PLPP3: variants seen among roughly 807,000 people sequenced by gnomAD.
PLPP3 encodes the protein PAP2 beta.
A neutral mutation model predicts 29.6 loss-of-function variants in PLPP3; 6 were observed. The observed-to-expected ratio is 0.20, with a 90% CI of 0.11 to 0.40. The LOEUF is 0.40. Ranked by LOEUF, PLPP3 falls within the 10% of genes least tolerant of loss-of-function variation. PLPP3 has a pLI of 1.00. For missense variants in PLPP3, 308 were observed against 407.7 expected, an observed-to-expected ratio of 0.76 and a Z score of 2.11; for synonymous variants, 152 against 159.7, an observed-to-expected ratio of 0.95 and a Z score of 0.36.
chr1:56,506,821 T>C (rs1209960089), intron 5 of PLPP3, among the ~76,000 whole-genome samples: 1 of 151,978 alleles, frequency 6.6e-6, no homozygotes, highest in East Asian at 1.9e-4. Context: ...TATTCGTCTG[T>C]CTGTTTATGT....
chr1:56,499,953 A>C (rs1269125906), intron 5 of PLPP3, among the ~76,000 whole-genome samples: 2 of 152,162 alleles, frequency 1.3e-5, no homozygotes, highest in Non-Finnish European at 2.9e-5. Context: ...GCCAGCCCAC[A>C]ATCCTACTCC....
chr1:56,578,853 C>CG, intron 1 of PLPP3, 25 bp downstream of exon 1: 1 of 1,522,806 alleles, frequency 6.6e-7, no homozygotes, highest in Non-Finnish European at 8.8e-7. Context: ...GCCGAGGGGC[C>CG]GAGGGACAGC....
chr1:56,502,949 G>A (rs1363493045), intron 5 of PLPP3, among the ~76,000 whole-genome samples: 1 of 152,186 alleles, frequency 6.6e-6, no homozygotes. Context: ...TAGCTTTCTG[G>A]TCTACCATAC....
chr1:56,538,046 T>A (rs1470971227), intron 1 of PLPP3, among the ~76,000 whole-genome samples: 1 of 152,134 alleles, frequency 6.6e-6, no homozygotes, highest in African/African-American at 2.4e-5. Context: ...TGGCCCCCAT[T>A]CCCTTCTACA....
At chr1:56,536,070 C>T (rs149482130) in intron 2 of PLPP3, among the ~76,000 whole-genome samples, 2 of 152,264 alleles carry the variant, frequency 1.3e-5, no homozygotes, top group East Asian at 1.9e-4. Context: ...CAGAGAGTGA[C>T]GAGCATGTGA....
chr1:56,533,299 C>T (rs1422321822), intron 2 of PLPP3, among the ~76,000 whole-genome samples: 1 of 152,162 alleles, frequency 6.6e-6, no homozygotes, highest in Non-Finnish European at 1.5e-5. Flanking sequence ...AAGTGATCCA[C>T]CTGCCTTGGC....
At chr1:56,510,512 T>G (rs1411310072) in intron 5 of PLPP3, among the ~76,000 whole-genome samples, 1 of 152,232 alleles carries the variant, frequency 6.6e-6, no homozygotes, top group Non-Finnish European at 1.5e-5. Context: ...CTTCTCCCTC[T>G]TCTTGACCCC....
intron 4 of PLPP3, among the ~76,000 whole-genome samples, chr1:56,515,585 G>A (rs1387642126): frequency 1.3e-5 from 2 of 152,208 alleles, no homozygotes; most frequent in Non-Finnish European, 2.9e-5. Flanking sequence ...GCTTATGAAT[G>A]AGAAAGGAGT....
intron 1 of PLPP3, among the ~76,000 whole-genome samples, chr1:56,577,852 C>A (rs1032959654): frequency 6.6e-6 from 1 of 152,020 alleles, no homozygotes. Flanking sequence ...AAGTGGCACA[C>A]CCAGCAAGTG....
intron 1 of PLPP3, among the ~76,000 whole-genome samples, chr1:56,554,050 CT>C (rs753749255): frequency 4.2e-4 from 62 of 148,918 alleles, no homozygotes; most frequent in Admixed American, 1.2e-3. Context: ...AAGCCTTTGG[CT>C]TTTCCCCCCC....
chr1:56,507,511 G>A (rs1417479465), intron 5 of PLPP3, among the ~76,000 whole-genome samples: 1 of 152,162 alleles, frequency 6.6e-6, no homozygotes, highest in Non-Finnish European at 1.5e-5. Flanking sequence ...TAGCTGAAGA[G>A]ACAGACATAT....
intron 4 of PLPP3, among the ~76,000 whole-genome samples, chr1:56,517,367 T>G (rs1645787997): frequency 6.6e-6 from 1 of 152,264 alleles, no homozygotes; most frequent in Non-Finnish European, 1.5e-5. Context: ...ACAAAAGAAT[T>G]TTCGATTGAC....
At chr1:56,557,012 G>GAAAGAAGGAA (rs60511169) in intron 1 of PLPP3, among the ~76,000 whole-genome samples, 1 of 9,116 alleles carries the variant, frequency 1.1e-4, no homozygotes, top group Non-Finnish European at 2.7e-4. Context: ...GAAAGAAAGA[G>GAAAGAAGGAA]AGAGAGAGAG....
intron 5 of PLPP3, among the ~76,000 whole-genome samples, chr1:56,510,833 G>A (rs1645736344): frequency 1.3e-5 from 2 of 152,058 alleles, no homozygotes; most frequent in South Asian, 4.2e-4. Context: ...ATTACACATG[G>A]TCCCTGCCCC....
chr1:56,572,265 G>A (rs1646205139), intron 1 of PLPP3, among the ~76,000 whole-genome samples: 1 of 151,986 alleles, frequency 6.6e-6, no homozygotes, highest in Non-Finnish European at 1.5e-5. Context: ...GACCAGGCTA[G>A]TCTCGAAATT....
chr1:56,510,219 A>G (rs1217856235), intron 5 of PLPP3, among the ~76,000 whole-genome samples: 2 of 152,172 alleles, frequency 1.3e-5, no homozygotes, highest in Non-Finnish European at 2.9e-5. Context: ...ACAGTCAGCA[A>G]AGGGTTACCC....
chr1:56,514,248 G>A (rs972457178), intron 4 of PLPP3, among the ~76,000 whole-genome samples: 1 of 151,884 alleles, frequency 6.6e-6, no homozygotes, highest in Non-Finnish European at 1.5e-5. Context: ...ATTACTATTT[G>A]GAAGGGATAC....
Position 56,579,067 on chromosome 1 carries a change from G to T in PLPP3, c.-51C>A. ...CGCCCCGCGAAGACGTCCCGCAACAGCAGCCACACACCCAGGCGCCCGGGT... is the reference window on the plus strand; with the variant it reads ...CGCCCCGCGAAGACGTCCCGCAACATCAGCCACACACCCAGGCGCCCGGGT... On this transcript the variant is annotated 5_prime_UTR_variant, in exon 1 of 6. In the 5' UTR this introduces an upstream ATG that the reference lacks. Transcript: ENST00000371250. 6.4e-7 allele frequency: 1 copy of T among 1,568,164 alleles called. No individual in the cohort carries two copies. Among genetic ancestry groups the T allele is most frequent in the Non-Finnish European group, 8.6e-7 (1 of 1,163,676 alleles).
intron 5 of PLPP3, among the ~76,000 whole-genome samples, chr1:56,499,708 CT>C (rs1003779017): frequency 3.3e-5 from 5 of 151,984 alleles, no homozygotes; most frequent in African/African-American, 4.8e-5. Flanking sequence ...TACACAAACA[CT>C]TTTTTTTGGG....
Sources: gnomAD v4.1 joint callset for allele counts (sites outside exome capture counted in the v4.1 genomes callset) on GRCh38, gnomAD v4.1.1 for gene constraint, MANE v1.5 for transcripts, NCBI Gene and HGNC (gene_info 2026-07-23, HGNC 2026-07-21) for gene names.